IL1RAP: variants seen among roughly 807,000 people sequenced by gnomAD.
The protein encoded by IL1RAP is interleukin-1 receptor accessory protein.
A neutral mutation model predicts 60.7 loss-of-function variants in IL1RAP; 35 were observed. The observed-to-expected ratio is 0.58, with a 90% CI of 0.44 to 0.76. The LOEUF (loss-of-function observed/expected upper bound fraction) is 0.76, where lower values mean the gene tolerates loss of function less well. IL1RAP is among the 30% of genes least tolerant of loss of function. The probability of loss-of-function intolerance (pLI) is 0.00; values close to 1 mark genes in which losing one functional copy is unlikely to be tolerated. For missense variants in IL1RAP, 572 were observed against 693.9 expected (o/e 0.82, Z 1.97); for synonymous variants, 268 against 250.9 (o/e 1.07, Z -0.64).
chr3:190,585,474 C>T (rs769173671), intron 3 of IL1RAP, among the ~76,000 whole-genome samples: 36 of 152,164 alleles, frequency 2.4e-4, no homozygotes, highest in Admixed American at 1.9e-3. Context: ...CACAAGTATA[C>T]TGCCCAGCCT....
intron 3 of IL1RAP, among the ~76,000 whole-genome samples, chr3:190,576,441 T>A (rs894535695): frequency 6.6e-6 from 1 of 152,060 alleles, no homozygotes; most frequent in African/African-American, 2.4e-5. Context: ...AAACTAGCAG[T>A]TCAGGCAGTC....
At chr3:190,579,653 G>A (rs187943836) in intron 3 of IL1RAP, among the ~76,000 whole-genome samples, 10 of 151,638 alleles carry the variant, frequency 6.6e-5, no homozygotes, top group South Asian at 6.3e-4. Flanking sequence ...CACATTAGTC[G>A]TGCTGCCATC....
chr3:190,632,296 G>C (rs1411001588), intron 9 of IL1RAP, among the ~76,000 whole-genome samples: 1 of 152,218 alleles, frequency 6.6e-6, no homozygotes, highest in East Asian at 1.9e-4. Flanking sequence ...CCATACTGAT[G>C]GATGCATAGT....
At position 190,539,238 on chromosome 3, in the gene IL1RAP, G is replaced by A. The variant is rs1421444261; in HGVS notation, c.-88-16892G>A. On this transcript the variant is annotated intron_variant, in intron 1 of 11. Coordinates refer to ENST00000447382, the MANE Select transcript of IL1RAP (RefSeq NM_002182.4). ...AATAGGACTATATCTGTGTATCTGT[G>A]ATGATTGTATATTTGTCCAAGAATT... 3.3e-5 allele frequency among the ~76,000 whole-genome samples: 5 copies of A among 152,248 alleles called. No homozygotes were observed. The South Asian group carries it at 8.3e-4, about 25-fold the overall frequency.
At chr3:190,607,449 AATAG>A (rs1730431954) in intron 4 of IL1RAP, among the ~76,000 whole-genome samples, 2 of 152,232 alleles carry the variant, frequency 1.3e-5, no homozygotes, top group South Asian at 4.1e-4. Context: ...AAAAAACATA[AATAG>A]CGTTGTGGGA....
intron 3 of IL1RAP, among the ~76,000 whole-genome samples, chr3:190,596,342 T>C (rs1729376783): frequency 6.7e-6 from 1 of 148,838 alleles, no homozygotes; most frequent in Non-Finnish European, 1.5e-5. Context: ...CCTAGCTCTA[T>C]AGTCAGGCAG....
intron 5 of IL1RAP, chr3:190,615,228 A>T: frequency 1.3e-6 from 1 of 769,140 alleles, no homozygotes; most frequent in South Asian, 1.5e-5. Flanking sequence ...CATAGTTTGT[A>T]AGTGATTTAC....
At chr3:190,519,367 A>T (rs1721816835) in intron 1 of IL1RAP, among the ~76,000 whole-genome samples, 1 of 152,156 alleles carries the variant, frequency 6.6e-6, no homozygotes, top group Non-Finnish European at 1.5e-5. Flanking sequence ...TACTTTTGTC[A>T]TTTCATTTAA....
chr3:190,576,916 A>ATC (rs1727515174), intron 3 of IL1RAP, among the ~76,000 whole-genome samples: 1 of 151,904 alleles, frequency 6.6e-6, no homozygotes, highest in African/African-American at 2.4e-5. Context: ...GATCGAGAGC[A>ATC]CGGTGAAACC....
At position 190,644,295 on chromosome 3, in the gene IL1RAP, A is replaced by G. The variant is rs1049924384; in HGVS notation, c.1099A>G (p.Thr367Ala). Reference protein sequence around the residue: ...TVELACGFGATVLLVVILIVV... With the variant: ...TVELACGFGAAVLLVVILIVV... ...GGAACTGGCTTGTGGTTTTGGAGCC[A>G]CAGTCCTGCTAGTGGTGATTCTCAT... The change falls in exon 10 of 12, where the codon ACA becomes GCA. Residue 367 changes from threonine (T) to alanine (A), a missense_variant. Physicochemically the swap from Thr to Ala is moderately conservative, Grantham distance 58. Transcript: ENST00000447382. 3.7e-6 allele frequency: 6 copies of G among 1,613,722 alleles called. No individual in the cohort carries two copies. Among genetic ancestry groups the G allele is most frequent in the Non-Finnish European group, 5.1e-6 (6 of 1,179,760 alleles).
At chr3:190,602,907 A>T (rs1729981436) in intron 3 of IL1RAP, among the ~76,000 whole-genome samples, 1 of 152,212 alleles carries the variant, frequency 6.6e-6, no homozygotes, top group Non-Finnish European at 1.5e-5. Flanking sequence ...GCAGGACTCC[A>T]TCACCCTGAC....
intron 1 of IL1RAP, among the ~76,000 whole-genome samples, chr3:190,517,608 G>A (rs1421937544): frequency 2.0e-5 from 3 of 152,174 alleles, no homozygotes; most frequent in Non-Finnish European, 2.9e-5. Flanking sequence ...CTTCTCATAG[G>A]CCATTAGATT....
chr3:190,641,326 T>G (rs1308193387), intron 9 of IL1RAP, among the ~76,000 whole-genome samples: 1 of 152,182 alleles, frequency 6.6e-6, no homozygotes, highest in Non-Finnish European at 1.5e-5. Context: ...TCAAAACACC[T>G]GAGGGTCCAG....
chr3:190,646,486 G>A (rs1734025028), intron 11 of IL1RAP, among the ~76,000 whole-genome samples: 1 of 152,032 alleles, frequency 6.6e-6, no homozygotes, highest in Admixed American at 6.6e-5. Context: ...ATAATAGCCA[G>A]TGTAACTAGA....
In IL1RAP at chr3:190,648,718, A is replaced by G. The variant is rs1734214833; in HGVS notation, c.*13A>G. The G allele has an allele frequency of 6.3e-7, 1 of 1,592,426 alleles. No homozygotes were observed. The highest frequency in any genetic ancestry group is 1.1e-5 in the South Asian group (1 of 87,362). ...GAAAAATGTATGAAAGGAATAATGA[A>G]AAGGGTAAAAAGAACAAGGGGTGCT... is the stretch of plus-strand genomic sequence containing the variant. On this transcript the variant is annotated 3_prime_UTR_variant, in exon 12 of 12. Transcript: ENST00000447382.
intron 9 of IL1RAP, chr3:190,629,921 G>A: frequency 2.1e-6 from 2 of 959,098 alleles, no homozygotes; most frequent in Non-Finnish European, 2.5e-6. Flanking sequence ...TGCATCATCT[G>A]ACCTAAGACT....
intron 7 of IL1RAP, 43 bp from the exon 8 acceptor site, chr3:190,627,280 T>C (rs775633560): frequency 6.9e-7 from 1 of 1,441,258 alleles, no homozygotes; most frequent in African/African-American, 1.7e-5. Flanking sequence ...TTTTGTTTTG[T>C]TTTGTTTTTT....
chr3:190,577,777 C>T (rs1301528706), intron 3 of IL1RAP, among the ~76,000 whole-genome samples: 3 of 152,232 alleles, frequency 2.0e-5, no homozygotes, highest in African/African-American at 7.2e-5. Context: ...GGAGATCCTC[C>T]TGAGTGATCT....
chr3:190,609,230 G>A (rs1396345476), intron 5 of IL1RAP, 49 bp downstream of exon 5: 6 of 1,286,184 alleles, frequency 4.7e-6, no homozygotes, highest in Non-Finnish European at 6.5e-6. Context: ...CTTATAAAAT[G>A]ATAATGCTTA....
Sources: gnomAD v4.1 joint callset for allele counts (sites outside exome capture counted in the v4.1 genomes callset) on GRCh38, gnomAD v4.1.1 for gene constraint, MANE v1.5 for transcripts, NCBI Gene and HGNC (gene_info 2026-07-23, HGNC 2026-07-21) for gene names.